The following MTUS1 variants were observed in gnomAD, a reference collection of about 807,000 sequenced individuals.
The protein encoded by MTUS1 is microtubule-associated tumor suppressor 1.
A neutral mutation model predicts 120.8 loss-of-function variants in MTUS1; 109 were observed. The ratio of observed to expected loss-of-function variants is 0.90; its 90% CI spans 0.77 to 1.06. The LOEUF (loss-of-function observed/expected upper bound fraction) is 1.06. Among genes scored for constraint, MTUS1 ranks in the 50% least tolerant of loss-of-function variants. The pLI is 0.00. For missense variants in MTUS1, 2,210 were observed against 1,486.3 expected, an observed-to-expected ratio of 1.49 and a Z score of -8.01; for synonymous variants, 737 against 550.5, an observed-to-expected ratio of 1.34 and a Z score of -4.74.
intron 5 of MTUS1, 68 bp from the exon 6 acceptor site, chr8:17,713,320 G>T: frequency 1.1e-6 from 1 of 911,264 alleles, no homozygotes; most frequent in Non-Finnish European, 1.7e-6. Flanking sequence ...AACAAACCAT[G>T]TTGATAAGAA....
chr8:17,674,953 C>T, intron 8 of MTUS1: 1 of 1,277,450 alleles, frequency 7.8e-7, no homozygotes. Flanking sequence ...ATATTTTGCT[C>T]ATCAGAAGTT....
At chr8:17,692,528 C>A (rs1585732798) in intron 6 of MTUS1, among the ~76,000 whole-genome samples, 1 of 152,214 alleles carries the variant, frequency 6.6e-6, no homozygotes, top group Middle Eastern at 3.4e-3. Flanking sequence ...AAAGTGAATA[C>A]CAAATGCGAG....
Position 17,754,812 on chromosome 8 carries a change from T to C in MTUS1, c.996A>G (p.Glu332=), listed in dbSNP as rs757077761. The C allele has an allele frequency of 6.2e-7, 1 of 1,614,208 alleles. No individual in the cohort carries two copies. Among genetic ancestry groups the C allele is most frequent in the East Asian group, 2.2e-5 (1 of 44,880 alleles). Residue 332 remains glutamate (E), a synonymous_variant, in exon 2 of 15, where the codon GAA becomes GAG. Coordinates refer to ENST00000693296, the MANE Select transcript of MTUS1 (RefSeq NM_001363059.2). ...PHSQSSYRHK[E]MGQNLRETVS... The stretch of plus-strand genomic sequence containing the variant: ...CTGTCTCTCTCAGATTTTGGCCCAT[T>C]TCCTTGTGCCTGTATGAGCTCTGTG...
At position 17,753,701 on chromosome 8, in the gene MTUS1, T is replaced by C. The variant is rs1367953122; in HGVS notation, c.2091+16A>G. On this transcript the variant is annotated intron_variant, in intron 2 of 14. Transcript: ENST00000693296. Reference sequence around the variant, plus strand: ...AGTTCTCTGAAGCATGCAAAAAATATATATATATTACTTACCAAAAACAGA... The same window carrying C: ...AGTTCTCTGAAGCATGCAAAAAATACATATATATTACTTACCAAAAACAGA... The C allele has an allele frequency of 6.6e-6, 10 of 1,512,420 alleles. No individual in the cohort carries two copies. In the South Asian group the frequency reaches 1.3e-4, roughly 19 times the overall value. The allele number at this position is 1,512,420 out of a possible 1,614,324, so 93.7% of individuals were successfully genotyped here.
chr8:17,766,903 G>C (rs1037087898), intron 1 of MTUS1, among the ~76,000 whole-genome samples: 5 of 151,926 alleles, frequency 3.3e-5, no homozygotes, highest in African/African-American at 9.7e-5. Context: ...AAGTATGATA[G>C]TGCAGAGTTA....
chr8:17,661,262 T>C lies in MTUS1; in HGVS notation c.2906-5197A>G, dbSNP rs112365677. ...GCAAGCCGTTGGTGAAGGTATCAAA[T>C]AGCTTCTAGTCAGAGAAATTCTAGT... On this transcript the variant is annotated intron_variant, in intron 8 of 14. Coordinates refer to ENST00000693296, the MANE Select transcript of MTUS1 (RefSeq NM_001363059.2). Among the ~76,000 whole-genome samples, 252 of 152,328 alleles carry C rather than the reference T, an allele frequency of 1.7e-3. 1 individual carries two copies. Among genetic ancestry groups the C allele is most frequent in the African/African-American group, 5.8e-3 (240 of 41,570 alleles).
rs1805347914 is a variant in MTUS1, at chr8:17,644,046, C to T, written c.*1880G>A. Reference sequence around the variant, plus strand: ...ACTGCTATGAGATTTATTTGCCGGTCACGTAATACGGAGGACAGCAGGGAA... The same window carrying T: ...ACTGCTATGAGATTTATTTGCCGGTTACGTAATACGGAGGACAGCAGGGAA... On this transcript the variant is annotated 3_prime_UTR_variant, in exon 15 of 15. Coordinates refer to ENST00000693296, the MANE Select transcript of MTUS1 (RefSeq NM_001363059.2). 1 of 152,184 alleles carries T rather than the reference C, an allele frequency of 6.6e-6. No individual in the cohort carries two copies. Among genetic ancestry groups the T allele is most frequent in the African/African-American group, 2.4e-5 (1 of 41,446 alleles). 9.4% of individuals were successfully genotyped at this position (152,184 alleles called of 1,614,324 possible). A position where few individuals can be genotyped will look rare whatever the true frequency, so the allele number is the denominator to read the frequency against.
chr8:17,791,470 T>C (rs1474144696), intron 1 of MTUS1, among the ~76,000 whole-genome samples: 1 of 152,170 alleles, frequency 6.6e-6, no homozygotes, highest in Non-Finnish European at 1.5e-5. Context: ...TATCCACAAG[T>C]CCAAGATTAG....
intron 1 of MTUS1, among the ~76,000 whole-genome samples, chr8:17,774,983 AAAAAAAAAAAC>A (rs1447206678): frequency 6.6e-6 from 1 of 150,732 alleles, no homozygotes; most frequent in Non-Finnish European, 1.5e-5. Flanking sequence ...AAAAAAAAAA[AAAAAAAAAAAC>A]CAGAAAAGGA....
intron 1 of MTUS1, among the ~76,000 whole-genome samples, chr8:17,771,156 G>T (rs1439932301): frequency 6.6e-6 from 1 of 151,940 alleles, no homozygotes; most frequent in Non-Finnish European, 1.5e-5. Context: ...TTAAACTTAG[G>T]AACTTCAGAC....
At chr8:17,657,400 C>G (rs1585447655) in intron 8 of MTUS1, among the ~76,000 whole-genome samples, 2 of 151,092 alleles carry the variant, frequency 1.3e-5, no homozygotes, top group East Asian at 3.9e-4. Flanking sequence ...AACCCCGTCT[C>G]TACTAAAAAT....
chr8:17,653,330 A>C, intron 11 of MTUS1, 49 bp from the exon 12 acceptor site: 2 of 1,482,182 alleles, frequency 1.3e-6, no homozygotes, highest in Non-Finnish European at 1.8e-6. Flanking sequence ...AAACCCCAGA[A>C]ACTCAGCATA....
chr8:17,645,311 C>G lies in MTUS1; in HGVS notation c.*615G>C, dbSNP rs1250451041. On this transcript the variant is annotated 3_prime_UTR_variant, in exon 15 of 15. Transcript: ENST00000693296. ...ACCCTCTCCCTACCCTGTTACAGGG[C>G]TGAGCAGAGTTGGTGGTAGATGATC... 1 of 152,700 alleles carries G rather than the reference C, an allele frequency of 6.5e-6. No individual in the cohort carries two copies. Among genetic ancestry groups the G allele is most frequent in the African/African-American group, 2.4e-5 (1 of 41,466 alleles). The allele number at this position is 152,700 out of a possible 1,614,324, so 9.5% of individuals were successfully genotyped here. A position where few individuals can be genotyped will look rare whatever the true frequency, so the allele number is the denominator to read the frequency against.
rs1030850541 is a variant in MTUS1 at position 17,781,112 on chromosome 8, T to G, written c.-155+19949A>C. 11 of 152,268 alleles carry G rather than the reference T, an allele frequency of 7.2e-5. No homozygotes were observed. The East Asian group carries it at 1.9e-3, about 27-fold the overall frequency. The allele number at this position is 152,268 out of a possible 1,614,324, so 9.4% of individuals were successfully genotyped here. ...CTTCAAGGAATAAGAGTGTGCCTGT[T>G]TTTGACCACGGATTATTTACTTGCA... On this transcript the variant is annotated intron_variant, in intron 1 of 14. Coordinates refer to ENST00000693296, the MANE Select transcript of MTUS1 (RefSeq NM_001363059.2).
At chr8:17,756,063 C>T (rs2048584917) in intron 1 of MTUS1, 102 bp from the exon 2 acceptor site, 1 of 547,436 alleles carries the variant, frequency 1.8e-6, no homozygotes, top group Non-Finnish European at 2.9e-6. Context: ...ACTTTATGTT[C>T]ACATTTAGAC....
At chr8:17,743,371 C>T (rs2047484160) in intron 3 of MTUS1, among the ~76,000 whole-genome samples, 2 of 152,282 alleles carry the variant, frequency 1.3e-5, no homozygotes, top group South Asian at 2.1e-4. Flanking sequence ...ACACATCCTT[C>T]TGAATAGCTT....
intron 8 of MTUS1, among the ~76,000 whole-genome samples, chr8:17,660,792 AT>A (rs1238870832): frequency 6.6e-6 from 1 of 152,164 alleles, no homozygotes; most frequent in African/African-American, 2.4e-5. Context: ...AAGCCATATG[AT>A]AGAAATAAAA....
At chr8:17,746,536 A>C (rs1186424656) in intron 2 of MTUS1, among the ~76,000 whole-genome samples, 3 of 152,150 alleles carry the variant, frequency 2.0e-5, no homozygotes, top group Admixed American at 2.0e-4. Context: ...AAGGGAAAGC[A>C]GTTTCCCCTT....
rs112572326 is a variant in MTUS1, at chr8:17,738,400, T to C, written c.2287+5204A>G. Among the ~76,000 whole-genome samples the C allele has an allele frequency of 7.3e-3, 1,106 of 152,270 alleles. 7 individuals are homozygous for C. The highest frequency in any genetic ancestry group is 0.021 in the African/African-American group (878 of 41,530). ...GGCTGGCCTCTGAAATGGCAACTCA[T>C]GTGTGTAGAGAAGAACACAGATATT... On this transcript the variant is annotated intron_variant, in intron 3 of 14. Transcript: ENST00000693296.
Sources: allele counts gnomAD v4.1 joint callset (sites outside exome capture counted in the v4.1 genomes callset), GRCh38; gene constraint gnomAD v4.1.1; transcripts MANE v1.5; gene names NCBI Gene and HGNC (gene_info 2026-07-23, HGNC 2026-07-21).